The following ITPR2 variants were observed in gnomAD, a reference collection of about 807,000 sequenced individuals.
ITPR2 encodes inositol 1,4,5-trisphosphate-gated calcium channel ITPR2.
ITPR2 carries 207 observed loss-of-function variants against 317.1 expected under a neutral mutation model. That is an observed-to-expected ratio of 0.65 (90% CI 0.58 to 0.73). The LOEUF is 0.73. ITPR2 is among the 30% of genes least tolerant of loss of function. ITPR2 has a pLI of 0.00. For missense variants in ITPR2, 2,613 were observed against 3,284.0 expected (o/e 0.80, Z 4.99); for synonymous variants, 1,156 against 1,149.1 (o/e 1.01, Z -0.12).
chr12:26,726,884 G>A (rs1031774489), intron 2 of ITPR2, among the ~76,000 whole-genome samples: 1 of 152,110 alleles, frequency 6.6e-6, no homozygotes, highest in Non-Finnish European at 1.5e-5. Context: ...ACAAGACAAT[G>A]ATGATTTTTT....
At chr12:26,808,208 C>T (rs1950671254) in intron 1 of ITPR2, among the ~76,000 whole-genome samples, 1 of 152,166 alleles carries the variant, frequency 6.6e-6, no homozygotes, top group African/African-American at 2.4e-5. Context: ...ATCCTGGTGT[C>T]ATCAATGGAG....
intron 1 of ITPR2, among the ~76,000 whole-genome samples, chr12:26,827,832 G>A (rs540314010): frequency 8.5e-5 from 13 of 152,212 alleles, no homozygotes; most frequent in Admixed American, 3.3e-4. Flanking sequence ...TAGCTCCCCC[G>A]TTGCGTTTTT....
At chr12:26,570,374 AT>A (rs1945127953) in intron 34 of ITPR2, among the ~76,000 whole-genome samples, 2 of 152,264 alleles carry the variant, frequency 1.3e-5, no homozygotes, top group East Asian at 3.9e-4. Flanking sequence ...CTCAGATTTA[AT>A]TTTTTTAGTA....
At chr12:26,360,721 G>A (rs926217307) in intron 55 of ITPR2, among the ~76,000 whole-genome samples, 2 of 152,100 alleles carry the variant, frequency 1.3e-5, no homozygotes, top group African/African-American at 4.8e-5. Flanking sequence ...TTTATCCCTA[G>A]CTCTTCAATA....
chr12:26,380,204 C>T (rs1207645028), intron 55 of ITPR2, among the ~76,000 whole-genome samples: 2 of 152,188 alleles, frequency 1.3e-5, no homozygotes, highest in African/African-American at 4.8e-5. Flanking sequence ...ATCTTAACAG[C>T]ATTCAGCCAC....
chr12:26,370,467 T>G (rs1344381143), intron 55 of ITPR2, among the ~76,000 whole-genome samples: 1 of 152,152 alleles, frequency 6.6e-6, no homozygotes, highest in Admixed American at 6.5e-5. Flanking sequence ...CCACTGCCAC[T>G]CTCTCCTAAA....
chr12:26,584,147 GA>G (rs1945464116), intron 32 of ITPR2, among the ~76,000 whole-genome samples: 1 of 152,182 alleles, frequency 6.6e-6, no homozygotes, highest in South Asian at 2.1e-4. Flanking sequence ...ACAGACTAGA[GA>G]AAAATAAAGC....
At chr12:26,340,510 G>T (rs1035245018) in intron 55 of ITPR2, among the ~76,000 whole-genome samples, 182 bp from the exon 56 acceptor site, 6 of 152,194 alleles carry the variant, frequency 3.9e-5, no homozygotes, top group African/African-American at 1.4e-4. Context: ...GCTGGGGGAA[G>T]ACCCCAAATA....
intron 10 of ITPR2, among the ~76,000 whole-genome samples, chr12:26,689,211 G>C (rs892114475): frequency 1.3e-5 from 2 of 152,154 alleles, no homozygotes; most frequent in Non-Finnish European, 1.5e-5. Flanking sequence ...GAGCTCAGGA[G>C]TTCAAGACCA....
chr12:26,395,468 G>A (rs1371388687), intron 54 of ITPR2, among the ~76,000 whole-genome samples: 2 of 152,164 alleles, frequency 1.3e-5, no homozygotes, highest in African/African-American at 4.8e-5. Context: ...TGCTGTTCAT[G>A]TTTTTGGTTA....
At chr12:26,352,630 G>A (rs1938517475) in intron 55 of ITPR2, among the ~76,000 whole-genome samples, 1 of 152,220 alleles carries the variant, frequency 6.6e-6, no homozygotes, top group African/African-American at 2.4e-5. Context: ...TCTGCCAAGG[G>A]GGCTTTGAAG....
chr12:26,659,837 T>C (rs1431426020), intron 15 of ITPR2, among the ~76,000 whole-genome samples: 7 of 152,236 alleles, frequency 4.6e-5, no homozygotes, highest in Non-Finnish European at 1.5e-5. Flanking sequence ...CTAGATGGAC[T>C]TGGATTGATT....
intron 12 of ITPR2, 88 bp from the exon 13 acceptor site, chr12:26,682,122 A>G: frequency 2.8e-6 from 3 of 1,083,578 alleles, no homozygotes; most frequent in South Asian, 3.2e-5. Context: ...TTTAAGAAAT[A>G]TAAGACAAGA....
intron 35 of ITPR2, among the ~76,000 whole-genome samples, chr12:26,560,708 G>A (rs1944793374): frequency 6.6e-6 from 1 of 152,086 alleles, no homozygotes; most frequent in East Asian, 1.9e-4. Flanking sequence ...TACAAATCAA[G>A]AACCACTTAT....
chr12:26,471,891 A>C (rs1942298529), intron 45 of ITPR2, among the ~76,000 whole-genome samples: 1 of 152,236 alleles, frequency 6.6e-6, no homozygotes, highest in Admixed American at 6.5e-5. Flanking sequence ...CCACATGGCC[A>C]CTTCTGAAGC....
intron 55 of ITPR2, among the ~76,000 whole-genome samples, chr12:26,376,645 T>A (rs1035235929): frequency 4.6e-5 from 7 of 152,232 alleles, no homozygotes; most frequent in Non-Finnish European, 8.8e-5. Flanking sequence ...TTTGGTTTAA[T>A]ATCTCTGCAG....
chr12:26,784,286 TCTC>T (rs1249745859), intron 2 of ITPR2, among the ~76,000 whole-genome samples: 7 of 4,596 alleles, frequency 1.5e-3, no homozygotes, highest in Non-Finnish European at 3.2e-3. Flanking sequence ...TCCCTCTCCC[TCTC>T]CCTCTCCCTC....
chr12:26,515,395 T>G (rs1385837211), intron 37 of ITPR2, among the ~76,000 whole-genome samples: 1 of 152,176 alleles, frequency 6.6e-6, no homozygotes, highest in African/African-American at 2.4e-5. Context: ...ATTATTGTAT[T>G]GCCTGTGTAA....
chr12:26,817,445 A>G (rs747052638), intron 1 of ITPR2, among the ~76,000 whole-genome samples: 3 of 152,172 alleles, frequency 2.0e-5, no homozygotes, highest in Non-Finnish European at 4.4e-5. Context: ...ACACTAAACA[A>G]AGATACTGTC....
Sources: allele counts gnomAD v4.1 joint callset (sites outside exome capture counted in the v4.1 genomes callset), GRCh38; gene constraint gnomAD v4.1.1; transcripts MANE v1.5; gene names NCBI Gene and HGNC (gene_info 2026-07-23, HGNC 2026-07-21).